Variants in DOCK7 observed in about 807,000 individuals in gnomAD.
The protein encoded by DOCK7 is dedicator of cytokinesis protein 7.
DOCK7 carries 138 observed loss-of-function variants against 271.0 expected under a neutral mutation model. The observed-to-expected ratio is 0.51, with a 90% CI of 0.44 to 0.59. The LOEUF is 0.59. Among genes scored for constraint, DOCK7 ranks in the 20% least tolerant of loss-of-function variants. The probability of loss-of-function intolerance (pLI) is 0.00; values close to 1 mark genes in which losing one functional copy is unlikely to be tolerated. For synonymous variants in DOCK7, 823 were observed against 876.1 expected, an observed-to-expected ratio of 0.94 and a Z score of 1.07; for missense variants, 2,066 against 2,592.4, an observed-to-expected ratio of 0.80 and a Z score of 4.41.
At chr1:62,683,402 A>C (rs1016915352) in intron 1 of DOCK7, among the ~76,000 whole-genome samples, 3 of 152,214 alleles carry the variant, frequency 2.0e-5, no homozygotes, top group African/African-American at 7.2e-5. Flanking sequence ...TACAAGACTA[A>C]AAACATCTGA....
chr1:62,615,591 T>C (rs895624368), intron 14 of DOCK7, among the ~76,000 whole-genome samples: 1 of 151,780 alleles, frequency 6.6e-6, no homozygotes, highest in Admixed American at 6.6e-5. Context: ...TAAATCAGTA[T>C]TCATATTCAA....
intron 17 of DOCK7, among the ~76,000 whole-genome samples, chr1:62,578,027 A>G (rs945825823): frequency 6.6e-6 from 1 of 151,940 alleles, no homozygotes; most frequent in South Asian, 2.1e-4. Flanking sequence ...GGGCTCAAGC[A>G]ATCCTCCCAT....
Position 62,549,710 on chromosome 1 carries a change from C to A in DOCK7, c.2766+3022G>T, listed in dbSNP as rs143257406. The stretch of plus-strand genomic sequence containing the variant: ...ATAACTAAATAATAAACAGTATTTA[C>A]CTATTTAATTATACAAATCACCCTG... On this transcript the variant is annotated intron_variant, in intron 22 of 49. Coordinates refer to ENST00000635253, the MANE Select transcript of DOCK7 (RefSeq NM_001367561.1). Among the ~76,000 whole-genome samples the A allele has an allele frequency of 2.6e-5, 4 of 152,122 alleles. No individual in the cohort carries two copies. The East Asian group carries it at 5.8e-4, about 22-fold the overall frequency.
rs1178146807 is a variant in DOCK7, at chr1:62,524,520, A to T, written c.3936+3631T>A. ...AAACTGATTTATAGTTAGACAATGG[A>T]ATATCATACTGAAATGAAAATCAGT... On this transcript the variant is annotated intron_variant, in intron 31 of 49. Transcript: ENST00000635253. 2.6e-5 allele frequency among the ~76,000 whole-genome samples: 4 copies of T among 152,202 alleles called. No individual in the cohort carries two copies. In the East Asian group the frequency reaches 7.7e-4, roughly 29 times the overall value.
At chr1:62,632,794 T>C (rs533879218) in intron 10 of DOCK7, among the ~76,000 whole-genome samples, 1 of 152,154 alleles carries the variant, frequency 6.6e-6, no homozygotes, top group African/African-American at 2.4e-5. Context: ...CTGACCAACA[T>C]GGTAAAACCC....
intron 1 of DOCK7, among the ~76,000 whole-genome samples, chr1:62,664,641 T>G (rs1226906700): frequency 6.6e-6 from 1 of 152,156 alleles, no homozygotes; most frequent in African/African-American, 2.4e-5. Flanking sequence ...GCTCATCAAT[T>G]ATAACAAATG....
chr1:62,586,569 C>A lies in DOCK7; in HGVS notation c.1738G>T (p.Ala580Ser), dbSNP rs769894876. Residue 580 changes from alanine to serine, a missense_variant, in exon 15 of 50, where the codon GCT becomes TCT. Ala to Ser is a moderately conservative substitution (Grantham distance 99). Around this residue, in one of 2 missense-constraint regions of DOCK7, gnomAD observed 1,414 missense variants for 1,670.4 expected, o/e 0.85. Coordinates refer to ENST00000635253, the MANE Select transcript of DOCK7 (RefSeq NM_001367561.1). ...TGGACTTTCACTGTTATATTTCTAG[C>A]AGAACCTTGACGATTGGCAAAATTA... ...SLNFANRQGS[A>S]RNITVKVQFM... 9 of 1,613,024 alleles carry A rather than the reference C, an allele frequency of 5.6e-6. No homozygotes were observed. Among genetic ancestry groups the A allele is most frequent in the Middle Eastern group, 1.7e-4 (1 of 6,058 alleles).
intron 42 of DOCK7, chr1:62,488,708 A>AAG: frequency 1.9e-6 from 1 of 538,812 alleles, no homozygotes; most frequent in Admixed American, 3.4e-5. Context: ...AATGAAAAAA[A>AAG]AAAGCTATGC....
chr1:62,641,845 T>C (rs1051638371), intron 7 of DOCK7, among the ~76,000 whole-genome samples: 2 of 152,250 alleles, frequency 1.3e-5, no homozygotes, highest in African/African-American at 4.8e-5. Flanking sequence ...TTAAAGTCAA[T>C]TTTGTAAGAC....
chr1:62,574,134 T>C (rs1245515190), intron 18 of DOCK7, among the ~76,000 whole-genome samples: 3 of 152,100 alleles, frequency 2.0e-5, no homozygotes, highest in Admixed American at 2.0e-4. Flanking sequence ...CTAAATGCCA[T>C]GTTTCTAATT....
At chr1:62,600,191 C>A (rs1649905437) in intron 14 of DOCK7, among the ~76,000 whole-genome samples, 1 of 151,590 alleles carries the variant, frequency 6.6e-6, no homozygotes, top group Non-Finnish European at 1.5e-5. Context: ...TAGTAATATA[C>A]ATTGTGTCTA....
chr1:62,634,553 A>G, intron 9 of DOCK7: 1 of 363,316 alleles, frequency 2.8e-6, no homozygotes, highest in Admixed American at 4.5e-5. Context: ...TCTAAGATAT[A>G]TATATAATTC....
chr1:62,503,755 A>C (rs914366488), intron 37 of DOCK7, among the ~76,000 whole-genome samples: 8 of 152,044 alleles, frequency 5.3e-5, no homozygotes, highest in African/African-American at 1.9e-4. Flanking sequence ...CTTTGAAACA[A>C]AAAGGCTAGC....
At chr1:62,457,827 A>G (rs1388784175) in intron 48 of DOCK7, 122 bp from the exon 49 acceptor site, 5 of 922,196 alleles carry the variant, frequency 5.4e-6, no homozygotes, top group South Asian at 1.6e-5. Flanking sequence ...CACAGACTAT[A>G]TATGTGGGCC....
intron 1 of DOCK7, among the ~76,000 whole-genome samples, chr1:62,683,051 T>A (rs1377383056): frequency 6.6e-6 from 1 of 152,158 alleles, no homozygotes; most frequent in Non-Finnish European, 1.5e-5. Context: ...AGTCCCAAAC[T>A]TTTCAGTAAG....
At chr1:62,532,441 C>T (rs1645202905) in intron 29 of DOCK7, among the ~76,000 whole-genome samples, 1 of 152,146 alleles carries the variant, frequency 6.6e-6, no homozygotes, top group African/African-American at 2.4e-5. Context: ...AAGTGATCCT[C>T]CCTCCTCAGC....
chr1:62,672,556 T>C (rs2149747771), intron 1 of DOCK7, among the ~76,000 whole-genome samples: 1 of 152,230 alleles, frequency 6.6e-6, no homozygotes. Flanking sequence ...CAAACATATT[T>C]AACCAGTCTC....
intron 39 of DOCK7, 95 bp downstream of exon 39, chr1:62,495,486 A>T: frequency 1.3e-6 from 1 of 759,988 alleles, no homozygotes; most frequent in Non-Finnish European, 1.9e-6. Flanking sequence ...AAAAATCACA[A>T]ATCATTTTTG....
intron 3 of DOCK7, 46 bp downstream of exon 3, chr1:62,653,938 T>C (rs1657675667): frequency 1.3e-6 from 2 of 1,583,852 alleles, no homozygotes; most frequent in African/African-American, 1.4e-5. Flanking sequence ...GAAGGTAGCC[T>C]TTCTATAGTT....
Sources: gnomAD v4.1 joint callset for allele counts (sites outside exome capture counted in the v4.1 genomes callset) on GRCh38, gnomAD v4.1.1 for gene constraint, gnomAD v4.1.1 regional missense constraint, MANE v1.5 for transcripts, NCBI Gene and HGNC (gene_info 2026-07-23, HGNC 2026-07-21) for gene names.